The following CYP3A5 variants were observed in gnomAD, a reference collection of about 807,000 sequenced individuals.
CYP3A5 encodes cytochrome P450 3A5.
In CYP3A5, 51 loss-of-function variants were observed where a neutral mutation model predicts 55.9. The ratio of observed to expected loss-of-function variants is 0.91; its 90% confidence interval spans 0.73 to 1.15. The LOEUF (loss-of-function observed/expected upper bound fraction) is 1.15, where lower values mean the gene tolerates loss of function less well. Among genes scored for constraint, CYP3A5 ranks in the 50% most tolerant of loss-of-function variants. CYP3A5 has a pLI of 0.00. For missense variants in CYP3A5, 533 were observed against 596.6 expected, an observed-to-expected ratio of 0.89 and a Z score of 1.11; for synonymous variants, 196 against 213.9, an observed-to-expected ratio of 0.92 and a Z score of 0.73.
rs113703928 is a variant in CYP3A5 at position 99,666,847 on chromosome 7, C to T, written c.432+105G>A. On this transcript the variant is annotated intron_variant, in intron 5 of 12. Coordinates refer to ENST00000222982, the MANE Select transcript of CYP3A5 (RefSeq NM_000777.5). ...GATAAAAGACCATTTTTAGGAAGCT[C>T]GAACTCAGTGGACTACCCCTTGGAA... 62 of 1,579,048 alleles carry T rather than the reference C, an allele frequency of 3.9e-5. No individual in the cohort carries two copies. In the African/African-American group the frequency reaches 4.5e-4, roughly 11 times the overall value.
chr7:99,665,221 C>G lies in CYP3A5; in HGVS notation c.615G>C (p.Glu205Asp), dbSNP rs773774777. The G allele has an allele frequency of 6.2e-7, 1 of 1,613,968 alleles. No homozygotes were observed. Among genetic ancestry groups the G allele is most frequent in the Admixed American group, 1.7e-5 (1 of 60,022 alleles). ...SLNNPQDPFV[E>D]STKKFLKFGF... is the part of the protein sequence containing the mutation. ...CAAATTTTAGGAACTTCTTAGTGCT[C>G]TCCACAAAGGGGTCTTGTGGATTGT... Residue 205 changes from glutamate to aspartate, a missense_variant, in exon 7 of 13, where the codon GAG becomes GAC. Glu to Asp is a conservative substitution (Grantham distance 45). Coordinates refer to ENST00000222982, the MANE Select transcript of CYP3A5 (RefSeq NM_000777.5).
intron 4 of CYP3A5, among the ~76,000 whole-genome samples, chr7:99,668,077 G>A (rs1274006683): frequency 6.6e-5 from 10 of 152,168 alleles, no homozygotes; most frequent in Non-Finnish European, 1.5e-4. Context: ...GAATAGGTAA[G>A]TTCTGCAAGG....
chr7:99,671,911 A>T lies in CYP3A5; in HGVS notation c.318+669T>A, dbSNP rs1192233889. Reference sequence around the variant, plus strand: ...TGTGAAAAATTGCTTAGAACTACCCACACACATAAACACACACAAACAAGG... The same window carrying T: ...TGTGAAAAATTGCTTAGAACTACCCTCACACATAAACACACACAAACAAGG... On this transcript the variant is annotated intron_variant, in intron 4 of 12. Transcript: ENST00000222982. 3 of 695,692 alleles carry T rather than the reference A, an allele frequency of 4.3e-6. No individual in the cohort carries two copies. The Admixed American group carries it at 6.2e-5, about 14-fold the overall frequency. The allele number at this position is 695,692 out of a possible 1,614,324, so 43.1% of individuals were successfully genotyped here.
chr7:99,651,456 A>C (rs1387398050), intron 11 of CYP3A5, among the ~76,000 whole-genome samples: 1 of 152,208 alleles, frequency 6.6e-6, no homozygotes, highest in African/African-American at 2.4e-5. Context: ...GTATTAGTGC[A>C]GCCACAGGAG....
At position 99,672,669 on chromosome 7, in the gene CYP3A5, C is replaced by T; in HGVS notation, c.229G>A (p.Gly77Ser). Residue 77 changes from glycine (G) to serine (S), a missense_variant, in exon 4 of 13, where the codon GGT becomes AGT. Gly to Ser is a moderately conservative substitution (Grantham distance 56). Transcript: ENST00000222982. ...GTGATGGCCAGCACAGGGAGTTGAC[C>T]TTCATACGTTCTGTGTGGGGACAAC... The part of the protein sequence containing the change: ...KYGKMWGTYE[G>S]QLPVLAITDP... 6.2e-7 allele frequency: 1 copy of T among 1,614,078 alleles called. No homozygotes were observed. The highest frequency in any genetic ancestry group is 8.5e-7 in the Non-Finnish European group (1 of 1,179,986).
At chr7:99,667,108 G>A in intron 4 of CYP3A5, 43 bp from the exon 5 acceptor site, 2 of 1,554,578 alleles carry the variant, frequency 1.3e-6, no homozygotes, top group South Asian at 1.1e-5. Context: ...TAGTTGTGGT[G>A]ATCTTCATGG....
chr7:99,663,554 T>C (rs1015321763), intron 8 of CYP3A5: 7 of 993,844 alleles, frequency 7.0e-6, no homozygotes, highest in Admixed American at 5.9e-5. Flanking sequence ...GGTAGCCTCA[T>C]AGGACCTTTA....
intron 1 of CYP3A5, chr7:99,676,605 TC>T (rs769898758): frequency 2.3e-6 from 3 of 1,292,678 alleles, no homozygotes; most frequent in South Asian, 2.3e-5. Flanking sequence ...ATTTTTTTTG[TC>T]TTTTGCACTG....
At chr7:99,677,925 C>T (rs912552950) in intron 1 of CYP3A5, among the ~76,000 whole-genome samples, 10 of 152,230 alleles carry the variant, frequency 6.6e-5, no homozygotes, top group Non-Finnish European at 1.2e-4. Context: ...TGTCTAGATT[C>T]ACATGGTACC....
Position 99,664,052 on chromosome 7 carries a change from G to A in CYP3A5, c.714C>T (p.Val238=). The A allele has an allele frequency of 6.3e-7, 1 of 1,597,654 alleles. No individual in the cohort carries two copies. Residue 238 remains valine (V), a synonymous_variant, in exon 8 of 13, where the codon GTC becomes GTT. Coordinates refer to ENST00000222982, the MANE Select transcript of CYP3A5 (RefSeq NM_000777.5). The part of the protein sequence containing the change: ...FLTPVFEALN[V]SLFPKDTINF... ...TTATGGTATCTTTTGGAAACAGAGA[G>A]ACATTTAATGCTTCAAAAACTGGGG...
At chr7:99,661,536 A>G (rs1477042715) in intron 9 of CYP3A5, among the ~76,000 whole-genome samples, 1 of 152,216 alleles carries the variant, frequency 6.6e-6, no homozygotes, top group Non-Finnish European at 1.5e-5. Flanking sequence ...CTCCCTCTTG[A>G]TATTTCTCCT....
intron 1 of CYP3A5, among the ~76,000 whole-genome samples, chr7:99,677,657 C>A (rs1265649961): frequency 1.3e-5 from 2 of 152,194 alleles, no homozygotes; most frequent in Non-Finnish European, 2.9e-5. Flanking sequence ...TCAGCAGGGG[C>A]AGCATGAGCA....
intron 1 of CYP3A5, chr7:99,677,112 A>C: frequency 3.3e-6 from 3 of 914,424 alleles, no homozygotes; most frequent in Non-Finnish European, 3.9e-6. Context: ...AAACCCATTA[A>C]GCCTGGTGTT....
chr7:99,652,854 G>T, intron 10 of CYP3A5, 75 bp from the exon 11 acceptor site: 1 of 1,054,812 alleles, frequency 9.5e-7, no homozygotes, highest in Non-Finnish European at 1.4e-6. Context: ...CAGTACTATT[G>T]AAGTATTAGA....
At chr7:99,659,589 CT>C (rs1810178847) in intron 10 of CYP3A5, 3 of 152,894 alleles carry the variant, frequency 2.0e-5, no homozygotes. Flanking sequence ...AGAACCACTA[CT>C]CTCTTCAAAG....
chr7:99,660,640 G>A lies in CYP3A5; in HGVS notation c.885C>T (p.Leu295=), dbSNP rs144684833. The A allele has an allele frequency of 4.6e-5, 74 of 1,613,872 alleles. No individual in the cohort carries two copies. Among genetic ancestry groups the A allele is most frequent in the African/African-American group, 4.5e-4 (34 of 75,006 alleles). Residue 295 remains leucine, a synonymous_variant, in exon 10 of 13, where the codon CTC becomes CTT. Transcript: ENST00000222982. Reference sequence around the variant, plus strand: ...AAATGAAGATTATTGACTGGGCTGCGAGCTCCAGATCAGACAGAGCTGAAA... The same window carrying A: ...AAATGAAGATTATTGACTGGGCTGCAAGCTCCAGATCAGACAGAGCTGAAA... The part of the protein sequence containing the change: ...ESHKALSDLE[L]AAQSIIFIFA...
intron 2 of CYP3A5, among the ~76,000 whole-genome samples, 196 bp from the exon 3 acceptor site, chr7:99,674,781 G>A (rs991506416): frequency 1.3e-5 from 2 of 152,176 alleles, no homozygotes; most frequent in African/African-American, 4.8e-5. Flanking sequence ...GGAATTTAAA[G>A]TCACTCTTGA....
intron 2 of CYP3A5, among the ~76,000 whole-genome samples, chr7:99,674,827 A>G (rs146007002): frequency 1.2e-3 from 182 of 152,354 alleles, no homozygotes; most frequent in Non-Finnish European, 1.7e-3. Context: ...ACCCTTGTCT[A>G]TGACCAGTAA....
chr7:99,663,777 T>C, intron 8 of CYP3A5, 191 bp downstream of exon 8: 2 of 1,258,748 alleles, frequency 1.6e-6, no homozygotes, highest in East Asian at 7.1e-5. Context: ...AAGTTTTAAA[T>C]GCTATCTCTC....
Sources: gnomAD v4.1 joint callset for allele counts (sites outside exome capture counted in the v4.1 genomes callset) on GRCh38, gnomAD v4.1.1 for gene constraint, MANE v1.5 for transcripts, NCBI Gene and HGNC (gene_info 2026-07-23, HGNC 2026-07-21) for gene names.